The following RTTN variants were observed in gnomAD, a reference collection of about 807,000 sequenced individuals.
RTTN encodes rotatin.
A neutral mutation model predicts 269.2 loss-of-function variants in RTTN; 182 were observed. The observed-to-expected ratio is 0.68, with a 90% confidence interval of 0.60 to 0.76. The LOEUF (loss-of-function observed/expected upper bound fraction) is 0.76. Among genes scored for constraint, RTTN ranks in the 30% least tolerant of loss-of-function variants. RTTN has a pLI of 0.00. For missense variants in RTTN, 2,545 were observed against 2,608.6 expected (o/e 0.98, Z 0.53); for synonymous variants, 1,006 against 963.5 (o/e 1.04, Z -0.82).
At chr18:70,031,388 C>G (rs571159335) in intron 40 of RTTN, 15 of 399,030 alleles carry the variant, frequency 3.8e-5, no homozygotes, top group African/African-American at 2.3e-4. Context: ...ACATTCCCCT[C>G]TCTCCATTTC....
chr18:70,132,845 C>T (rs1264247129), intron 23 of RTTN, among the ~76,000 whole-genome samples: 3 of 152,170 alleles, frequency 2.0e-5, no homozygotes, highest in South Asian at 2.1e-4. Flanking sequence ...TTTTTAAATG[C>T]CAACATTACT....
intron 10 of RTTN, among the ~76,000 whole-genome samples, chr18:70,179,413 ATACTT>A (rs1000495918): frequency 3.3e-5 from 5 of 152,204 alleles, no homozygotes; most frequent in South Asian, 2.1e-4. Context: ...TAAAAAGAAA[ATACTT>A]TAGGAATGAG....
In RTTN at chr18:70,196,499, A is replaced by G. The variant is rs754289626; in HGVS notation, c.841+2T>C. ...GGCTAATGAACAGATAAAAATAAAT[A>G]CCGTGTTTATTGGAGAAAAAACCTG... On this transcript the variant is annotated splice_donor_variant, in intron 7 of 48. Transcript: ENST00000640769. LOFTEE classifies it high-confidence loss of function. 1.2e-6 allele frequency: 2 copies of G among 1,605,396 alleles called. No individual in the cohort carries two copies. Among genetic ancestry groups the G allele is most frequent in the Non-Finnish European group, 1.7e-6 (2 of 1,177,354 alleles).
chr18:70,107,534 A>T (rs1599582885), intron 28 of RTTN, among the ~76,000 whole-genome samples: 1 of 152,264 alleles, frequency 6.6e-6, no homozygotes, highest in East Asian at 1.9e-4. Context: ...AATTGATGAT[A>T]AAAACATGGC....
rs73964475 is a variant in RTTN at position 70,041,931 on chromosome 18, C to T, written c.5541+6040G>A. Among the ~76,000 whole-genome samples, 1,340 of 151,980 alleles carry T rather than the reference C, an allele frequency of 8.8e-3. 25 individuals carry two copies. The highest frequency in any genetic ancestry group is 0.03 in the African/African-American group (1,247 of 41,434). ...CCAGAAGACAAGCCTACAAAATAACCCCCATTGGTCCCCTTGGACAGCAAT... is the reference window on the plus strand; with the variant it reads ...CCAGAAGACAAGCCTACAAAATAACTCCCATTGGTCCCCTTGGACAGCAAT... On this transcript the variant is annotated intron_variant, in intron 40 of 48. Coordinates refer to ENST00000640769, the MANE Select transcript of RTTN (RefSeq NM_173630.4).
At chr18:70,137,879 T>G (rs138937565) in intron 21 of RTTN, among the ~76,000 whole-genome samples, 1 of 152,344 alleles carries the variant, frequency 6.6e-6, no homozygotes, top group Non-Finnish European at 1.5e-5. Flanking sequence ...TCATTTACCA[T>G]GCTCACCAAT....
chr18:70,005,345 A>G, intron 47 of RTTN, 78 bp from the exon 48 acceptor site: 1 of 925,624 alleles, frequency 1.1e-6, no homozygotes. Flanking sequence ...GCCCATTGCT[A>G]ACTACAGTAT....
chr18:70,109,813 T>A, intron 27 of RTTN, 96 bp from the exon 28 acceptor site: 1 of 926,274 alleles, frequency 1.1e-6, no homozygotes, highest in Non-Finnish European at 1.6e-6. Context: ...AAACTCATAG[T>A]AATAGAAAAA....
At chr18:70,132,878 C>T (rs1308608813) in intron 23 of RTTN, among the ~76,000 whole-genome samples, 2 of 152,008 alleles carry the variant, frequency 1.3e-5, no homozygotes, top group African/African-American at 2.4e-5. Flanking sequence ...GTAATAAAAC[C>T]CTTTCTCCTC....
Position 70,050,145 on chromosome 18 carries a change from A to G in RTTN, c.5323+1266T>C, listed in dbSNP as rs549149683. 2.3e-3 allele frequency among the ~76,000 whole-genome samples: 352 copies of G among 152,332 alleles called. 2 individuals carry two copies. The highest frequency in any genetic ancestry group is 8.2e-3 in the African/African-American group (339 of 41,578). ...ATCAGAGTGAACAGGCAACCTACAC[A>G]ATGGGAGAAAATTTTTGTAATCTAT... On this transcript the variant is annotated intron_variant, in intron 39 of 48. Transcript: ENST00000640769.
chr18:70,121,820 T>C, intron 25 of RTTN, 120 bp from the exon 26 acceptor site: 1 of 924,234 alleles, frequency 1.1e-6, no homozygotes, highest in Non-Finnish European at 1.5e-6. Context: ...TGAGACACTG[T>C]TTTAAATGCT....
In RTTN at chr18:70,121,573, C is replaced by T. The variant is rs189160799; in HGVS notation, c.3511G>A (p.Glu1171Lys). The change falls in exon 26 of 49, where the codon GAA becomes AAA. Residue 1171 changes from glutamate to lysine, a missense_variant. By Grantham distance (56) the Glu-to-Lys change is moderately conservative. Transcript: ENST00000640769. ...SSLELLNWIL[E>K]LLLRHSANPL... ...CCACTTACATGTCTAAGAAGTAATT[C>T]GAGAATCCAGTTTAGAAGTTCTAGT... is the stretch of plus-strand genomic sequence containing the variant. 340 of 1,565,462 alleles carry T rather than the reference C, an allele frequency of 2.2e-4. 5 individuals carry two copies. In the South Asian group the frequency reaches 3.8e-3, roughly 17 times the overall value.
Position 70,006,474 on chromosome 18 carries a change from A to G in RTTN, c.6432T>C (p.Ile2144=). Residue 2144 remains isoleucine (I), a synonymous_variant, in exon 47 of 49, where the codon ATT becomes ATC. Transcript: ENST00000640769. ...KPKILANEKV[I]TVLAACLESE... ...TTTCCAGACAGGCAGCAAGCACAGT[A>G]ATGACTTTTTCTAAAAATGAACATA... is the stretch of plus-strand genomic sequence containing the variant. 6.2e-7 allele frequency: 1 copy of G among 1,613,386 alleles called. No individual in the cohort carries two copies. The highest frequency in any genetic ancestry group is 8.5e-7 in the Non-Finnish European group (1 of 1,179,352).
At chr18:70,026,158 C>T (rs1184428575) in intron 43 of RTTN, among the ~76,000 whole-genome samples, 1 of 152,188 alleles carries the variant, frequency 6.6e-6, no homozygotes, top group Non-Finnish European at 1.5e-5. Context: ...TCTATTGAGG[C>T]CGCTTCTACT....
intron 10 of RTTN, among the ~76,000 whole-genome samples, chr18:70,186,080 C>CAA (rs59754982): frequency 8.8e-4 from 99 of 112,518 alleles, no homozygotes; most frequent in African/African-American, 1.5e-3. Flanking sequence ...CTCTCCCCCC[C>CAA]AAAAAAAAAA....
intron 23 of RTTN, among the ~76,000 whole-genome samples, chr18:70,134,102 G>A (rs1002526907): frequency 2.0e-5 from 3 of 151,986 alleles, no homozygotes; most frequent in Admixed American, 2.0e-4. Flanking sequence ...GGAAAGGAGT[G>A]AATTTATGTC....
At chr18:70,099,409 C>T (rs283773) in intron 28 of RTTN, among the ~76,000 whole-genome samples, 6,384 of 152,172 alleles carry the variant, frequency 0.042, 464 homozygotes, top group African/African-American at 0.15. Flanking sequence ...TCATATCCTT[C>T]GCCCACTTTT....
intron 21 of RTTN, chr18:70,138,756 G>C (rs1165445006): frequency 6.6e-6 from 1 of 152,060 alleles, no homozygotes; most frequent in East Asian, 1.9e-4. Flanking sequence ...TTGGCAAGCA[G>C]AAGCCAACAG....
At chr18:70,110,871 G>A (rs1457394985) in intron 27 of RTTN, among the ~76,000 whole-genome samples, 1 of 152,230 alleles carries the variant, frequency 6.6e-6, no homozygotes, top group African/African-American at 2.4e-5. Flanking sequence ...GCTAGAGCTT[G>A]GTGAGGGGAC....
Sources: allele counts gnomAD v4.1 joint callset (sites outside exome capture counted in the v4.1 genomes callset), GRCh38; gene constraint gnomAD v4.1.1; transcripts MANE v1.5; gene names NCBI Gene and HGNC (gene_info 2026-07-23, HGNC 2026-07-21).